CLVS1: variants seen among roughly 807,000 people sequenced by gnomAD.
CLVS1 encodes the protein clavesin-1.
In CLVS1, 10 loss-of-function variants were observed where a neutral mutation model predicts 33.1. The ratio of observed to expected loss-of-function variants is 0.30; its 90% CI spans 0.19 to 0.51. The LOEUF (loss-of-function observed/expected upper bound fraction) is 0.51. Ranked by LOEUF, CLVS1 falls within the 20% of genes least tolerant of loss-of-function variation. The pLI is 0.97. For missense variants in CLVS1, 343 were observed against 433.4 expected (o/e 0.79, Z 1.85); for synonymous variants, 163 against 166.1 (o/e 0.98, Z 0.14).
At chr8:61,088,656 T>C (rs1184084123) in intron 1 of CLVS1, among the ~76,000 whole-genome samples, 1 of 152,144 alleles carries the variant, frequency 6.6e-6, no homozygotes, top group African/African-American at 2.4e-5. Context: ...TTGCTGGGTT[T>C]AGAGTATCAC....
intron 1 of CLVS1, among the ~76,000 whole-genome samples, chr8:61,074,477 ATAAG>A (rs1804871728): frequency 1.4e-5 from 2 of 142,660 alleles, no homozygotes; most frequent in Admixed American, 7.0e-5. Context: ...TTATATATAT[ATAAG>A]TATATGTGTA....
rs149724057 is a variant in CLVS1 at position 61,404,100 on chromosome 8, C to T, written c.630+27321C>T. ...GTGAGGATTCTTATGGAGCTGCTGG[C>T]GGATAAATATGGATGGGTGACTTAG... On this transcript the variant is annotated intron_variant, in intron 3 of 5. Coordinates refer to ENST00000325897, the MANE Select transcript of CLVS1 (RefSeq NM_173519.3). Among the ~76,000 whole-genome samples the T allele has an allele frequency of 4.6e-3, 701 of 152,198 alleles. 4 individuals are homozygous for T. Among genetic ancestry groups the T allele is most frequent in the East Asian group, 5.6e-3 (29 of 5,178 alleles).
chr8:61,072,161 TTCCTGGC>T (rs1444422466), intron 1 of CLVS1, among the ~76,000 whole-genome samples: 19 of 152,214 alleles, frequency 1.2e-4, no homozygotes, highest in African/African-American at 3.9e-4. Flanking sequence ...ATCTCCAGCT[TTCCTGGC>T]TCCTCCTTTG....
At chr8:61,007,826 G>A in the CLVS1 span, among the ~76,000 whole-genome samples, 1 of 152,200 alleles carries the variant, frequency 6.6e-6, no homozygotes, top group Non-Finnish European at 1.5e-5. Flanking sequence ...ACAACGGAAG[G>A]GGGAGGGAAG....
At chr8:61,061,894 T>C (rs1007224820) in intron 1 of CLVS1, among the ~76,000 whole-genome samples, 2 of 152,262 alleles carry the variant, frequency 1.3e-5, no homozygotes, top group East Asian at 3.9e-4. Context: ...CCGTAGCACC[T>C]GGGCATTTTT....
At chr8:61,256,106 C>T (rs932193738) in intron 2 of CLVS1, among the ~76,000 whole-genome samples, 2 of 152,204 alleles carry the variant, frequency 1.3e-5, no homozygotes, top group African/African-American at 4.8e-5. Flanking sequence ...TCCCATAAAA[C>T]AATAACTCCC....
chr8:61,186,876 G>C (rs995095614), intron 2 of CLVS1, among the ~76,000 whole-genome samples: 1 of 152,200 alleles, frequency 6.6e-6, no homozygotes, highest in African/African-American at 2.4e-5. Context: ...AGGGCAGTTG[G>C]ACTGAGAAAA....
the CLVS1 span, among the ~76,000 whole-genome samples, chr8:60,991,979 C>A: frequency 2.0e-5 from 3 of 152,104 alleles, no homozygotes; most frequent in Non-Finnish European, 4.4e-5. Flanking sequence ...AACTCCTGAT[C>A]TCAAGTGATC....
chr8:60,995,322 A>AACCCCAT, the CLVS1 span, among the ~76,000 whole-genome samples: 1 of 152,044 alleles, frequency 6.6e-6, no homozygotes, highest in African/African-American at 2.4e-5. Context: ...CAAGAAAAAA[A>AACCCCAT]CAAACAACCC....
At chr8:60,982,681 A>G in the CLVS1 span, among the ~76,000 whole-genome samples, 1 of 152,328 alleles carries the variant, frequency 6.6e-6, no homozygotes, top group African/African-American at 2.4e-5. Flanking sequence ...AATAAGTGGC[A>G]GTGAGGTTTT....
At chr8:61,487,908 T>C (rs976775) in intron 5 of CLVS1, among the ~76,000 whole-genome samples, 83,290 of 152,140 alleles carry the variant, frequency 0.55, 26,526 homozygotes, top group Non-Finnish European at 0.71. Flanking sequence ...TCTGGCATTT[T>C]TCTACCTGCT....
chr8:61,165,789 A>G (rs1054950783), intron 2 of CLVS1, among the ~76,000 whole-genome samples: 4 of 152,344 alleles, frequency 2.6e-5, no homozygotes, highest in Middle Eastern at 6.8e-3. Context: ...GGCCATGGTC[A>G]CTCATATTTG....
At chr8:61,485,474 G>C (rs916213550) in intron 5 of CLVS1, among the ~76,000 whole-genome samples, 1 of 152,226 alleles carries the variant, frequency 6.6e-6, no homozygotes, top group Non-Finnish European at 1.5e-5. Flanking sequence ...TGGAGAAATA[G>C]GAATGCTTTT....
intron 5 of CLVS1, among the ~76,000 whole-genome samples, chr8:61,472,389 A>G (rs988001627): frequency 5.3e-5 from 8 of 152,158 alleles, no homozygotes; most frequent in Non-Finnish European, 5.9e-5. Context: ...AGAAGGAGGG[A>G]AACAAAAAAG....
the CLVS1 span, among the ~76,000 whole-genome samples, chr8:60,979,893 T>A: frequency 6.6e-6 from 1 of 152,212 alleles, no homozygotes; most frequent in Non-Finnish European, 1.5e-5. Context: ...CCAGTGCACT[T>A]TACTATAGGG....
chr8:61,095,519 G>A (rs1489515362), intron 1 of CLVS1, among the ~76,000 whole-genome samples: 3 of 152,204 alleles, frequency 2.0e-5, no homozygotes, highest in Admixed American at 6.5e-5. Context: ...CCAGCTGAGC[G>A]GGAAGGGTGC....
At chr8:61,149,091 A>T (rs555110088) in intron 2 of CLVS1, among the ~76,000 whole-genome samples, 44 of 152,046 alleles carry the variant, frequency 2.9e-4, no homozygotes, top group Admixed American at 1.6e-3. Context: ...TTTTCTTATT[A>T]AAAAAAATCC....
chr8:61,214,485 G>T (rs962608764), intron 2 of CLVS1, among the ~76,000 whole-genome samples: 2 of 152,110 alleles, frequency 1.3e-5, no homozygotes, highest in Non-Finnish European at 2.9e-5. Flanking sequence ...TGACTATCGG[G>T]GCAGGTTCCC....
At chr8:61,281,414 A>G (rs1165164324) in intron 2 of CLVS1, among the ~76,000 whole-genome samples, 1 of 152,176 alleles carries the variant, frequency 6.6e-6, no homozygotes, top group African/African-American at 2.4e-5. Flanking sequence ...TAGGACTGAT[A>G]TCCTCATAAG....
Sources: allele counts gnomAD v4.1 joint callset (sites outside exome capture counted in the v4.1 genomes callset), GRCh38; gene constraint gnomAD v4.1.1; transcripts MANE v1.5; gene names NCBI Gene and HGNC (gene_info 2026-07-23, HGNC 2026-07-21).